The following DRC11 variants were observed in gnomAD, a reference collection of about 807,000 sequenced individuals.
DRC11 encodes the protein dynein regulatory complex subunit 11.
the DRC11 span, among the ~76,000 whole-genome samples, chr2:236,376,387 G>T: frequency 7.9e-5 from 12 of 152,166 alleles, no homozygotes; most frequent in Non-Finnish European, 1.8e-4. This position sits in a 1 kb window ranked among gnomAD's most constrained non-coding sequence, Gnocchi z 5.7. Context: ...ATTTATACAG[G>T]ACATTATCAG....
At chr2:236,362,698 C>A in the DRC11 span, among the ~76,000 whole-genome samples, 2 of 152,094 alleles carry the variant, frequency 1.3e-5, no homozygotes, top group African/African-American at 2.4e-5. The surrounding 1 kb of genome is among the most constrained non-coding windows in gnomAD (Gnocchi z 5.7). Flanking sequence ...CAAGCATCAA[C>A]TGTAGGTAAA....
chr2:236,363,839 T>C, the DRC11 span: 2 of 1,613,906 alleles, frequency 1.2e-6, no homozygotes, highest in South Asian at 2.2e-5. This position sits in a 1 kb window ranked among gnomAD's most constrained non-coding sequence, Gnocchi z 5.6. Context: ...TTCCCAGCAA[T>C]GTTAGAGGAG....
chr2:236,502,193 TAAGTA>T, the DRC11 span, among the ~76,000 whole-genome samples: 1 of 147,128 alleles, frequency 6.8e-6, no homozygotes, highest in Non-Finnish European at 1.6e-5. Flanking sequence ...AGGGGATACG[TAAGTA>T]ATTAATATAA....
the DRC11 span, among the ~76,000 whole-genome samples, chr2:236,442,226 A>G: frequency 6.6e-6 from 1 of 152,248 alleles, no homozygotes; most frequent in African/African-American, 2.4e-5. Flanking sequence ...ATATTTTCCA[A>G]AACTAAAAGA....
the DRC11 span, among the ~76,000 whole-genome samples, chr2:236,320,133 G>A: frequency 6.6e-6 from 1 of 152,208 alleles, no homozygotes; most frequent in East Asian, 1.9e-4. Context: ...ACCCTGCACT[G>A]ACGAATGAAT....
the DRC11 span, among the ~76,000 whole-genome samples, chr2:236,395,831 A>C: frequency 6.6e-6 from 1 of 152,224 alleles, no homozygotes; most frequent in Non-Finnish European, 1.5e-5. Flanking sequence ...TTTTAAACAA[A>C]ACAGCTTTGT....
chr2:236,328,157 C>T, the DRC11 span, among the ~76,000 whole-genome samples: 1 of 152,068 alleles, frequency 6.6e-6, no homozygotes, highest in African/African-American at 2.4e-5. This position sits in a 1 kb window ranked among gnomAD's most constrained non-coding sequence, Gnocchi z 6.7. Flanking sequence ...TAGATTATTG[C>T]TTGTGGCTCA....
At chr2:236,336,493 G>A in the DRC11 span, among the ~76,000 whole-genome samples, 36 of 142,192 alleles carry the variant, frequency 2.5e-4, no homozygotes, top group Non-Finnish European at 4.8e-4. This position sits in a 1 kb window ranked among gnomAD's most constrained non-coding sequence, Gnocchi z 7.3. Flanking sequence ...ACCACCACTG[G>A]CACCAGCACG....
chr2:236,377,905 G>A, the DRC11 span, among the ~76,000 whole-genome samples: 1 of 152,188 alleles, frequency 6.6e-6, no homozygotes, highest in African/African-American at 2.4e-5. The surrounding 1 kb of genome is among the most constrained non-coding windows in gnomAD (Gnocchi z 4.9). Flanking sequence ...GCAGAAATTA[G>A]ATAGGTTAAA....
chr2:236,475,352 C>T, the DRC11 span, among the ~76,000 whole-genome samples: 1 of 152,106 alleles, frequency 6.6e-6, no homozygotes, highest in Non-Finnish European at 1.5e-5. This position sits in a 1 kb window ranked among gnomAD's most constrained non-coding sequence, Gnocchi z 4.8. Context: ...TATATACATA[C>T]CACACTTTTC....
chr2:236,409,882 T>G, the DRC11 span, among the ~76,000 whole-genome samples: 1 of 152,234 alleles, frequency 6.6e-6, no homozygotes, highest in Non-Finnish European at 1.5e-5. Flanking sequence ...GGTTTTTGTC[T>G]TTGGTTCTGT....
the DRC11 span, among the ~76,000 whole-genome samples, chr2:236,384,034 T>C: frequency 6.6e-5 from 10 of 152,208 alleles, no homozygotes; most frequent in Non-Finnish European, 1.5e-4. Flanking sequence ...ATGGTGTATA[T>C]GTGCCACATT....
the DRC11 span, among the ~76,000 whole-genome samples, chr2:236,356,494 G>A: frequency 1.5e-4 from 23 of 152,216 alleles, no homozygotes; most frequent in Non-Finnish European, 3.1e-4. Flanking sequence ...GCCAGCTGGG[G>A]GGCCACGCGA....
chr2:236,416,413 G>A, the DRC11 span, among the ~76,000 whole-genome samples: 1 of 151,968 alleles, frequency 6.6e-6, no homozygotes. Flanking sequence ...GGAGCCAGGT[G>A]CTTGAGTGCC....
At chr2:236,390,338 A>T in the DRC11 span, among the ~76,000 whole-genome samples, 1 of 151,968 alleles carries the variant, frequency 6.6e-6, no homozygotes, top group Non-Finnish European at 1.5e-5. This position sits in a 1 kb window ranked among gnomAD's most constrained non-coding sequence, Gnocchi z 5.9. Context: ...CCATCCCTTC[A>T]CTTTCAGCCT....
At chr2:236,430,170 T>C in the DRC11 span, among the ~76,000 whole-genome samples, 12 of 151,112 alleles carry the variant, frequency 7.9e-5, no homozygotes, top group African/African-American at 2.7e-4. This position sits in a 1 kb window ranked among gnomAD's most constrained non-coding sequence, Gnocchi z 6.0. Context: ...TAAAGACATT[T>C]TATATACATA....
At chr2:236,409,840 G>T in the DRC11 span, among the ~76,000 whole-genome samples, 2 of 152,072 alleles carry the variant, frequency 1.3e-5, no homozygotes, top group African/African-American at 4.8e-5. Flanking sequence ...TTTTGTCAAA[G>T]GCCTTTTCTG....
the DRC11 span, among the ~76,000 whole-genome samples, chr2:236,396,314 A>T: frequency 7.1e-6 from 1 of 140,148 alleles, no homozygotes; most frequent in African/African-American, 2.6e-5. Context: ...GGGGGGGGTT[A>T]ATCTTAGTGA....
At chr2:236,394,370 T>C in the DRC11 span, among the ~76,000 whole-genome samples, 1 of 152,122 alleles carries the variant, frequency 6.6e-6, no homozygotes, top group Admixed American at 6.5e-5. The surrounding 1 kb of genome is among the most constrained non-coding windows in gnomAD (Gnocchi z 7.0). Context: ...CAGTGGCTCA[T>C]GCCTGTAATC....
Sources: allele counts gnomAD v4.1 joint callset (sites outside exome capture counted in the v4.1 genomes callset), GRCh38; gene constraint gnomAD v4.1.1; non-coding constraint Gnocchi (gnomAD v3.1); transcripts MANE v1.5; gene names NCBI Gene and HGNC (gene_info 2026-07-23, HGNC 2026-07-21).